The following ROBO1 variants were observed in gnomAD, a reference collection of about 807,000 sequenced individuals.
The protein encoded by ROBO1 is roundabout guidance receptor 1, also known as roundabout homolog 1.
A neutral mutation model predicts 195.9 loss-of-function variants in ROBO1; 149 were observed. The ratio of observed to expected loss-of-function variants is 0.76; its 90% confidence interval spans 0.67 to 0.87. The LOEUF is 0.87. ROBO1 is among the 40% of genes least tolerant of loss of function. ROBO1 has a pLI of 0.00. For missense variants in ROBO1, 1,933 were observed against 2,068.3 expected (o/e 0.93, Z 1.27); for synonymous variants, 816 against 733.2 (o/e 1.11, Z -1.82).
chr3:78,640,707 T>C (rs1705888788), intron 21 of ROBO1, among the ~76,000 whole-genome samples: 1 of 152,186 alleles, frequency 6.6e-6, no homozygotes, highest in Non-Finnish European at 1.5e-5. Context: ...GGACTCAAAC[T>C]GGAGTTGAAG....
chr3:79,062,850 G>A (rs936190561), intron 3 of ROBO1, among the ~76,000 whole-genome samples: 5 of 152,048 alleles, frequency 3.3e-5, no homozygotes, highest in Admixed American at 6.6e-5. Context: ...AAGGCTGGAG[G>A]AGGGATAACA....
intron 2 of ROBO1, among the ~76,000 whole-genome samples, chr3:79,504,571 T>G (rs1940288966): frequency 6.6e-6 from 1 of 152,216 alleles, no homozygotes; most frequent in Non-Finnish European, 1.5e-5. Flanking sequence ...AGAGTTTAAG[T>G]GAATTAATTT....
intron 2 of ROBO1, among the ~76,000 whole-genome samples, chr3:79,139,698 G>A (rs2080483621): frequency 6.6e-6 from 1 of 152,122 alleles, no homozygotes; most frequent in African/African-American, 2.4e-5. Flanking sequence ...AACTTTATCT[G>A]TGAGAGTTAA....
At chr3:79,576,197 T>A (rs1943480805) in intron 2 of ROBO1, among the ~76,000 whole-genome samples, 3 of 152,072 alleles carry the variant, frequency 2.0e-5, no homozygotes, top group South Asian at 2.1e-4. Flanking sequence ...TAATTATATT[T>A]ATATTCATTA....
chr3:79,086,256 A>T (rs903573515), intron 3 of ROBO1, among the ~76,000 whole-genome samples: 18 of 152,100 alleles, frequency 1.2e-4, no homozygotes, highest in African/African-American at 4.3e-4. Flanking sequence ...TGGGGAGGTG[A>T]CCATACCACA....
intron 2 of ROBO1, among the ~76,000 whole-genome samples, chr3:79,499,853 C>T (rs1038530675): frequency 5.3e-5 from 8 of 151,932 alleles, no homozygotes; most frequent in African/African-American, 9.7e-5. Flanking sequence ...ATCTGTTGCC[C>T]GAGAGTGATG....
At chr3:79,580,445 G>A (rs1943623656) in intron 2 of ROBO1, among the ~76,000 whole-genome samples, 1 of 152,010 alleles carries the variant, frequency 6.6e-6, no homozygotes, top group Admixed American at 6.6e-5. Context: ...TCACACCATT[G>A]CACTCCAGCC....
chr3:79,631,531 T>A (rs1409709584), intron 1 of ROBO1, among the ~76,000 whole-genome samples: 1 of 151,890 alleles, frequency 6.6e-6, no homozygotes, highest in African/African-American at 2.4e-5. Context: ...GTTATAAAAA[T>A]CTTAGAAGAA....
chr3:79,383,287 T>G (rs778019774), intron 2 of ROBO1, among the ~76,000 whole-genome samples: 5 of 152,124 alleles, frequency 3.3e-5, no homozygotes, highest in Admixed American at 6.5e-5. Flanking sequence ...AGTATTCTTT[T>G]ATTTTATTGA....
intron 1 of ROBO1, among the ~76,000 whole-genome samples, chr3:79,764,374 C>A (rs1299017946): frequency 1.3e-5 from 2 of 152,140 alleles, no homozygotes; most frequent in Non-Finnish European, 2.9e-5. Flanking sequence ...CATAATCTAG[C>A]CTATTGTATG....
At chr3:78,727,892 T>G (rs1018438908) in intron 5 of ROBO1, among the ~76,000 whole-genome samples, 1 of 152,080 alleles carries the variant, frequency 6.6e-6, no homozygotes, top group African/African-American at 2.4e-5. Flanking sequence ...TTTTTATATA[T>G]TCTATAAACA....
intron 2 of ROBO1, among the ~76,000 whole-genome samples, chr3:79,411,481 T>C (rs1312092494): frequency 6.6e-6 from 1 of 152,196 alleles, no homozygotes; most frequent in Non-Finnish European, 1.5e-5. Flanking sequence ...GTCTCTGTAA[T>C]ATTTGCTGTT....
At chr3:79,511,193 G>T (rs183407368) in intron 2 of ROBO1, among the ~76,000 whole-genome samples, 67 of 152,126 alleles carry the variant, frequency 4.4e-4, no homozygotes, top group Non-Finnish European at 8.1e-4. Context: ...ACTTCTTAAT[G>T]GGCTCACAAA....
At chr3:79,019,216 C>T in intron 3 of ROBO1, 7 of 986,264 alleles carry the variant, frequency 7.1e-6, no homozygotes, top group Non-Finnish European at 8.4e-6. Flanking sequence ...CCCTCGCCCT[C>T]TGGGGCGCTC....
chr3:79,283,198 CT>C (rs1386417887), intron 2 of ROBO1, among the ~76,000 whole-genome samples: 1 of 152,172 alleles, frequency 6.6e-6, no homozygotes, highest in Non-Finnish European at 1.5e-5. Flanking sequence ...GATGGGGACA[CT>C]AAGTACTGAG....
At chr3:79,610,102 T>C (rs1190525254) in intron 1 of ROBO1, among the ~76,000 whole-genome samples, 1 of 151,952 alleles carries the variant, frequency 6.6e-6, no homozygotes, top group Non-Finnish European at 1.5e-5. Context: ...ATTTTAATAA[T>C]ATATTGTTAA....
intron 1 of ROBO1, among the ~76,000 whole-genome samples, chr3:79,648,877 T>G (rs1170507699): frequency 6.6e-6 from 1 of 151,982 alleles, no homozygotes; most frequent in African/African-American, 2.4e-5. Context: ...CAACTGCAGG[T>G]TTCTCAATGG....
chr3:79,612,250 G>A (rs1944683509), intron 1 of ROBO1, among the ~76,000 whole-genome samples: 1 of 147,526 alleles, frequency 6.8e-6, no homozygotes, highest in Admixed American at 6.9e-5. Context: ...TCATTGTTCA[G>A]TTCCCACCTA....
chr3:79,009,172 T>TC (rs1348182494), intron 3 of ROBO1, among the ~76,000 whole-genome samples: 8 of 147,574 alleles, frequency 5.4e-5, no homozygotes, highest in Admixed American at 4.7e-4. Flanking sequence ...CAGGCTGGTT[T>TC]CAAACTGCTG....
Sources: gnomAD v4.1 joint callset for allele counts (sites outside exome capture counted in the v4.1 genomes callset) on GRCh38, gnomAD v4.1.1 for gene constraint, MANE v1.5 for transcripts, NCBI Gene and HGNC (gene_info 2026-07-23, HGNC 2026-07-21) for gene names.